DOCK9: variants seen among roughly 807,000 people sequenced by gnomAD.
DOCK9 encodes the protein dedicator of cytokinesis protein 9.
Under a neutral mutation model 263.3 loss-of-function variants are expected in DOCK9, and 89 were observed. The observed-to-expected ratio is 0.34, with a 90% confidence interval of 0.28 to 0.40. DOCK9 has a LOEUF of 0.40. Among genes scored for constraint, DOCK9 ranks in the 10% least tolerant of loss-of-function variants. The probability of loss-of-function intolerance (pLI) is 1.00; values close to 1 mark genes in which losing one functional copy is unlikely to be tolerated. For missense variants in DOCK9, 2,140 were observed against 2,603.4 expected (o/e 0.82, Z 3.87); for synonymous variants, 976 against 973.1 (o/e 1.00, Z -0.06).
At chr13:99,086,078 C>T in intron 1 of DOCK9, 1 of 1,261,554 alleles carries the variant, frequency 7.9e-7, no homozygotes, top group Non-Finnish European at 1.0e-6. Context: ...AACTCCCTCC[C>T]GCCGGCCCCA....
At chr13:98,956,228 G>C (rs183231789) in intron 1 of DOCK9, among the ~76,000 whole-genome samples, 93 of 152,274 alleles carry the variant, frequency 6.1e-4, no homozygotes, top group African/African-American at 2.2e-3. Context: ...AAGAGGTAAC[G>C]AGTAAGTAGG....
chr13:98,957,735 C>T (rs553816779), intron 1 of DOCK9, among the ~76,000 whole-genome samples: 2 of 152,236 alleles, frequency 1.3e-5, no homozygotes, highest in East Asian at 1.9e-4. Flanking sequence ...TGATTAATAA[C>T]ATTTTCCCTA....
In DOCK9 at chr13:98,860,608, G is replaced by T. The variant is rs111268577; in HGVS notation, c.3580-86C>A. On this transcript the variant is annotated intron_variant, in intron 32 of 52. Transcript: ENST00000682017. ...CTTGGAAGTGCCAGGGCAAGTGCAG[G>T]ACCAAGACAGCCTGATGCATTCAAC... 1.2e-4 allele frequency: 154 copies of T among 1,285,380 alleles called. No homozygotes were observed. The African/African-American group carries it at 1.8e-3, about 15-fold the overall frequency. The allele number at this position is 1,285,380 out of a possible 1,614,324, so 79.6% of individuals were successfully genotyped here.
At chr13:98,981,392 CAG>C (rs1877168194), upstream of DOCK9, among the ~76,000 whole-genome samples, 1 of 152,154 alleles carries the variant, frequency 6.6e-6, no homozygotes, top group East Asian at 1.9e-4. Flanking sequence ...GCCTCACACA[CAG>C]ATTTATGTAA....
chr13:99,039,276 T>C (rs1470500297), intron 1 of DOCK9, among the ~76,000 whole-genome samples: 1 of 151,970 alleles, frequency 6.6e-6, no homozygotes, highest in Non-Finnish European at 1.5e-5. Context: ...TTAAAAGCCA[T>C]GGCATTCCAG....
At chr13:98,902,252 T>C in intron 12 of DOCK9, 36 bp downstream of exon 12, 4 of 1,605,724 alleles carry the variant, frequency 2.5e-6, no homozygotes, top group Non-Finnish European at 3.4e-6. Context: ...GCAAAGTGAG[T>C]CTGAGTAGTG....
At chr13:99,056,917 C>T (rs1236328780) in intron 1 of DOCK9, among the ~76,000 whole-genome samples, 1 of 152,204 alleles carries the variant, frequency 6.6e-6, no homozygotes, top group African/African-American at 2.4e-5. Flanking sequence ...TACAGATGAC[C>T]CCATGACTTG....
intron 16 of DOCK9, 35 bp downstream of exon 16, chr13:98,888,596 TA>T (rs760031911): frequency 6.2e-7 from 1 of 1,612,292 alleles, no homozygotes; most frequent in East Asian, 2.2e-5. Context: ...CCCAAACTAA[TA>T]AAAATTCTGT....
Position 98,831,023 on chromosome 13 carries a change from T to G in DOCK9, c.4635+325A>C, listed in dbSNP as rs1229124255. On this transcript the variant is annotated intron_variant, in intron 41 of 52. Transcript: ENST00000682017. The stretch of plus-strand genomic sequence containing the variant: ...AGAGGACAGAAAAGAACCACTTAGG[T>G]TGGGCTTCTTGTTCCTTACCTAAAA... Among the ~76,000 whole-genome samples the G allele has an allele frequency of 3.3e-5, 5 of 152,228 alleles. No homozygotes were observed. In the South Asian group the frequency reaches 1.0e-3, roughly 32 times the overall value.
At chr13:98,862,118 G>A (rs926017513) in intron 32 of DOCK9, among the ~76,000 whole-genome samples, 16 of 152,196 alleles carry the variant, frequency 1.1e-4, no homozygotes, top group Non-Finnish European at 1.5e-4. Flanking sequence ...GGTTCATCAC[G>A]AGAACATGGT....
At chr13:98,879,358 G>A (rs1309269158) in intron 27 of DOCK9, among the ~76,000 whole-genome samples, 12 of 152,086 alleles carry the variant, frequency 7.9e-5, no homozygotes, top group South Asian at 4.1e-4. Flanking sequence ...TTGAGACTGC[G>A]CATCTGCCCC....
At chr13:98,826,768 G>T in intron 44 of DOCK9, 62 bp downstream of exon 44, 1 of 1,345,930 alleles carries the variant, frequency 7.4e-7, no homozygotes, top group Non-Finnish European at 1.0e-6. Flanking sequence ...GCTCTCACTT[G>T]TCTGCTGCTT....
intron 39 of DOCK9, among the ~76,000 whole-genome samples, chr13:98,834,821 A>G (rs1199127764): frequency 6.6e-6 from 1 of 152,208 alleles, no homozygotes; most frequent in Non-Finnish European, 1.5e-5. Flanking sequence ...TTCTGTCTGT[A>G]TAAGAGATCA....
rs549529618 is a variant in DOCK9, at chr13:98,916,794, C to T, written c.718-1291G>A. ...TAAAAGTGGAGAAAAAAACATTAGG[C>T]CTCAATTCTAAATTTCTGTTTCTGA... On this transcript the variant is annotated intron_variant, in intron 7 of 52. Coordinates refer to ENST00000682017, the MANE Select transcript of DOCK9 (RefSeq NM_001366683.2). Among the ~76,000 whole-genome samples, 22 of 152,264 alleles carry T rather than the reference C, an allele frequency of 1.4e-4. No individual in the cohort carries two copies. In the South Asian group the frequency reaches 3.5e-3, roughly 24 times the overall value.
At chr13:98,815,743 A>G (rs2091783332) in intron 45 of DOCK9, among the ~76,000 whole-genome samples, 1 of 152,154 alleles carries the variant, frequency 6.6e-6, no homozygotes, top group African/African-American at 2.4e-5. Context: ...GGCCTCCCAA[A>G]GTGCTGGGAT....
Position 98,794,202 on chromosome 13 carries a change from GA to G in DOCK9, c.*423del, listed in dbSNP as rs1052526709. 104 of 156,820 alleles carry G rather than the reference GA, an allele frequency of 6.6e-4. No individual in the cohort carries two copies. The highest frequency in any genetic ancestry group is 1.2e-3 in the Non-Finnish European group (85 of 71,984). The allele number at this position is 156,820 out of a possible 1,614,324, so 9.7% of individuals were successfully genotyped here. On this transcript the variant is annotated 3_prime_UTR_variant, in exon 53 of 53. Coordinates refer to ENST00000682017, the MANE Select transcript of DOCK9 (RefSeq NM_001366683.2). Reference sequence around the variant, plus strand: ...TGTATTCAACCTGAATGTGCCACAGGAAAAAAAAAATATTTTCAAGATTTTC... The same window carrying G: ...TGTATTCAACCTGAATGTGCCACAGGAAAAAAAAATATTTTCAAGATTTTC...
chr13:99,028,695 T>C (rs1393182749), intron 1 of DOCK9, among the ~76,000 whole-genome samples: 1 of 152,166 alleles, frequency 6.6e-6, no homozygotes, highest in Non-Finnish European at 1.5e-5. Context: ...TAAGGAGAAA[T>C]TAACAAAGCC....
At position 98,825,964 on chromosome 13, in the gene DOCK9, C is replaced by T; in HGVS notation, c.5023+866G>A. 1 of 1,501,896 alleles carries T rather than the reference C, an allele frequency of 6.7e-7. No homozygotes were observed. The highest frequency in any genetic ancestry group is 2.2e-5 in the Admixed American group (1 of 46,208). 93.0% of individuals were successfully genotyped at this position (1,501,896 alleles called of 1,614,324 possible). ...TTCTAAACATGAGGAAATGCATCAC[C>T]TGATAAAAGGTCTCAACAGGAAATA... On this transcript the variant is annotated intron_variant, in intron 44 of 52. Transcript: ENST00000682017. This position sits in a 1 kb window ranked among gnomAD's most constrained non-coding sequence, Gnocchi z 4.1.
chr13:98,810,319 G>C (rs2091189062), intron 45 of DOCK9, 28 bp from the exon 46 acceptor site: 1 of 1,611,410 alleles, frequency 6.2e-7, no homozygotes, highest in African/African-American at 1.3e-5. Flanking sequence ...CCAACAGCAA[G>C]AGAAGAGCGT....
Sources: gnomAD v4.1 joint callset for allele counts (sites outside exome capture counted in the v4.1 genomes callset) on GRCh38, gnomAD v4.1.1 for gene constraint, Gnocchi (gnomAD v3.1) non-coding constraint, MANE v1.5 for transcripts, NCBI Gene and HGNC (gene_info 2026-07-23, HGNC 2026-07-21) for gene names.